SYT16: variants seen among roughly 807,000 people sequenced by gnomAD.
SYT16 encodes synaptotagmin-16.
In SYT16, 42 loss-of-function variants were observed where a neutral mutation model predicts 61.4. The ratio of observed to expected loss-of-function variants is 0.68; its 90% confidence interval spans 0.53 to 0.89. SYT16 has a LOEUF of 0.89. Among genes scored for constraint, SYT16 ranks in the 40% least tolerant of loss-of-function variants. The pLI is 0.00. For synonymous variants in SYT16, 314 were observed against 302.3 expected (o/e 1.04, Z -0.40); for missense variants, 804 against 807.3 (o/e 1.00, Z 0.05).
intron 1 of SYT16, among the ~76,000 whole-genome samples, chr14:61,816,737 C>T (rs1482463621): frequency 1.3e-5 from 2 of 152,152 alleles, no homozygotes; most frequent in Admixed American, 6.5e-5. Flanking sequence ...CTTGGCCGGG[C>T]GCGGTGGCTC....
Position 62,100,408 on chromosome 14 carries a change from CTCTT to C in SYT16, c.1643_1646del (p.Phe548SerfsTer43). The C allele has an allele frequency of 6.2e-7, 1 of 1,605,136 alleles. No homozygotes were observed. Among genetic ancestry groups the C allele is most frequent in the Non-Finnish European group, 8.5e-7 (1 of 1,175,466 alleles). On this transcript the variant is annotated frameshift_variant, in exon 8 of 8. Transcript: ENST00000683842. LOFTEE classifies it high-confidence loss of function. ...TTTTGTCTTAGATACATATGGAAAA[CTCTT>C]TCTCCTCAATTCTGTGGGTCAAGAG...
intron 1 of SYT16, among the ~76,000 whole-genome samples, chr14:61,945,473 T>G (rs1292051180): frequency 6.6e-6 from 1 of 152,130 alleles, no homozygotes; most frequent in Non-Finnish European, 1.5e-5. Context: ...TAGCAAAGAC[T>G]TGGAACTAAC....
At chr14:62,086,510 AAAC>A (rs1483119028) in intron 7 of SYT16, among the ~76,000 whole-genome samples, 3 of 152,210 alleles carry the variant, frequency 2.0e-5, no homozygotes, top group Non-Finnish European at 1.5e-5. Flanking sequence ...ACAAACAAAC[AAAC>A]AAAAAATTGT....
Position 62,100,776 on chromosome 14 carries a change from T to A in SYT16, c.*69T>A. The A allele has an allele frequency of 2.0e-6, 3 of 1,502,734 alleles. No individual in the cohort carries two copies. The highest frequency in any genetic ancestry group is 2.7e-6 in the Non-Finnish European group (3 of 1,116,382). The allele number at this position is 1,502,734 out of a possible 1,614,324, so 93.1% of individuals were successfully genotyped here. A position where few individuals can be genotyped will look rare whatever the true frequency, so the allele number is the denominator to read the frequency against. On this transcript the variant is annotated 3_prime_UTR_variant, in exon 8 of 8. Coordinates refer to ENST00000683842, the MANE Select transcript of SYT16 (RefSeq NM_001367656.1). ...TGTGTTGCTGTCTACTGACACTAAGTGTCCTGGCAAGGGTTTCAGGGTTTC... is the reference window on the plus strand; with the variant it reads ...TGTGTTGCTGTCTACTGACACTAAGAGTCCTGGCAAGGGTTTCAGGGTTTC...
chr14:61,846,877 C>A (rs1186287959), intron 1 of SYT16, among the ~76,000 whole-genome samples: 1 of 151,832 alleles, frequency 6.6e-6, no homozygotes, highest in Non-Finnish European at 1.5e-5. Flanking sequence ...ATCTTATAAC[C>A]CATTATTTTA....
intron 2 of SYT16, among the ~76,000 whole-genome samples, chr14:61,979,507 C>T (rs1291897485): frequency 6.6e-6 from 1 of 152,174 alleles, no homozygotes; most frequent in Admixed American, 6.5e-5. Flanking sequence ...ATGGCCTACT[C>T]AGATGAATCT....
chr14:61,845,039 CTTTTTTTTTTT>C (rs35131511), intron 1 of SYT16, among the ~76,000 whole-genome samples: 2 of 97,618 alleles, frequency 2.0e-5, no homozygotes, highest in African/African-American at 4.8e-5. Context: ...TACTAGAAGA[CTTTTTTTTTTT>C]TTTTTTTTTT....
chr14:61,983,612 A>C (rs532901544), intron 2 of SYT16, among the ~76,000 whole-genome samples: 8 of 152,070 alleles, frequency 5.3e-5, no homozygotes, highest in Non-Finnish European at 1.2e-4. Flanking sequence ...TGTGATCTCA[A>C]CTTATTGGGC....
intron 3 of SYT16, among the ~76,000 whole-genome samples, chr14:62,053,051 G>C (rs1291438893): frequency 6.6e-6 from 1 of 152,162 alleles, no homozygotes; most frequent in Non-Finnish European, 1.5e-5. Flanking sequence ...GGGTTTTGAA[G>C]TACATGCTAG....
chr14:62,062,298 A>AG (rs35274155), intron 3 of SYT16, among the ~76,000 whole-genome samples: 9,560 of 152,104 alleles, frequency 0.063, 343 homozygotes, highest in Middle Eastern at 0.15. Context: ...TCTCTATTTG[A>AG]GGGGGGGATG....
At position 62,030,979 on chromosome 14, in the gene SYT16, T is replaced by G. The variant is rs534741818; in HGVS notation, c.523+34437T>G. Among the ~76,000 whole-genome samples the G allele has an allele frequency of 4.6e-5, 7 of 152,316 alleles. No homozygotes were observed. The South Asian group carries it at 1.0e-3, about 23-fold the overall frequency. Reference sequence around the variant, plus strand: ...GCCTGCTAACTTAGCTGCCTCAGTTTCCTTATCTATAAAATGCAGGAAATA... The same window carrying G: ...GCCTGCTAACTTAGCTGCCTCAGTTGCCTTATCTATAAAATGCAGGAAATA... On this transcript the variant is annotated intron_variant, in intron 3 of 7. Transcript: ENST00000683842.
At chr14:61,825,182 A>G (rs2045735332) in intron 1 of SYT16, among the ~76,000 whole-genome samples, 1 of 152,186 alleles carries the variant, frequency 6.6e-6, no homozygotes, top group African/African-American at 2.4e-5. Flanking sequence ...GCACCAAAAC[A>G]GCTTGTAAGG....
In SYT16 at chr14:62,100,524, G is replaced by T. The variant is rs2057395970; in HGVS notation, c.1755G>T (p.Gln585His). Residue 585 changes from glutamine to histidine, a missense_variant, in exon 8 of 8, where the codon CAG (glutamine) becomes CAT (histidine). By Grantham distance (24) the Gln-to-His change is conservative. Coordinates refer to ENST00000683842, the MANE Select transcript of SYT16 (RefSeq NM_001367656.1). ...ETFVFQVALF[Q>H]LSDVTLMISV... Reference sequence around the variant, plus strand: ...TTGTTTTCCAGGTGGCCCTCTTTCAGCTGTCTGATGTCACGTTGATGATTT... The same window carrying T: ...TTGTTTTCCAGGTGGCCCTCTTTCATCTGTCTGATGTCACGTTGATGATTT... 1 of 1,613,716 alleles carries T rather than the reference G, an allele frequency of 6.2e-7. No individual in the cohort carries two copies. The highest frequency in any genetic ancestry group is 1.1e-5 in the South Asian group (1 of 91,080).
intron 1 of SYT16, among the ~76,000 whole-genome samples, chr14:61,929,530 T>A (rs1003870628): frequency 6.6e-6 from 1 of 152,214 alleles, no homozygotes; most frequent in African/African-American, 2.4e-5. Flanking sequence ...AATACTTGTT[T>A]AAGCAGTAGT....
chr14:62,092,575 T>G (rs774557484), intron 7 of SYT16, among the ~76,000 whole-genome samples: 2 of 151,818 alleles, frequency 1.3e-5, no homozygotes, highest in Non-Finnish European at 1.5e-5. Context: ...TGACATATGC[T>G]GCAGTATGGA....
intron 1 of SYT16, among the ~76,000 whole-genome samples, chr14:61,817,403 A>G (rs1443937102): frequency 6.7e-6 from 1 of 150,068 alleles, no homozygotes; most frequent in Non-Finnish European, 1.5e-5. Flanking sequence ...GGGCAACAAG[A>G]GCAAAACTCC....
chr14:62,075,951 A>C (rs557057709), intron 5 of SYT16, among the ~76,000 whole-genome samples: 1 of 152,248 alleles, frequency 6.6e-6, no homozygotes, highest in Non-Finnish European at 1.5e-5. Flanking sequence ...AGACAGCATT[A>C]ATCAGTAATG....
intron 3 of SYT16, among the ~76,000 whole-genome samples, chr14:62,010,496 G>A (rs1450990035): frequency 6.6e-6 from 1 of 152,136 alleles, no homozygotes; most frequent in Non-Finnish European, 1.5e-5. Flanking sequence ...CTGGGGTGGG[G>A]TGAGGAGTGT....
chr14:61,969,237 G>A (rs1490340987), intron 1 of SYT16, among the ~76,000 whole-genome samples: 1 of 144,148 alleles, frequency 6.9e-6, no homozygotes, highest in Non-Finnish European at 1.5e-5. Flanking sequence ...AATCATTCTT[G>A]ATATTTGTTC....
Sources: gnomAD v4.1 joint callset for allele counts (sites outside exome capture counted in the v4.1 genomes callset) on GRCh38, gnomAD v4.1.1 for gene constraint, MANE v1.5 for transcripts, NCBI Gene and HGNC (gene_info 2026-07-23, HGNC 2026-07-21) for gene names.